AHCTF1: variants seen among roughly 807,000 people sequenced by gnomAD.
The protein encoded by AHCTF1 is AT-hook containing transcription factor 1.
A neutral mutation model predicts 248.4 loss-of-function variants in AHCTF1; 24 were observed. The ratio of observed to expected loss-of-function variants is 0.10; its 90% CI spans 0.07 to 0.14. The LOEUF is 0.14. Ranked by LOEUF, AHCTF1 falls within the 10% of genes least tolerant of loss-of-function variation. The probability of loss-of-function intolerance (pLI) is 1.00; values close to 1 mark genes in which losing one functional copy is unlikely to be tolerated. For synonymous variants in AHCTF1, 786 were observed against 929.8 expected (o/e 0.85, Z 2.81); for missense variants, 2,206 against 2,636.2 (o/e 0.84, Z 3.57).
chr1:246,862,839 A>T (rs1302474076), intron 27 of AHCTF1, among the ~76,000 whole-genome samples: 1 of 152,236 alleles, frequency 6.6e-6, no homozygotes, highest in Non-Finnish European at 1.5e-5. Flanking sequence ...TAACCAAATT[A>T]TGTATCAGAA....
chr1:246,851,846 A>T (rs553904778), intron 32 of AHCTF1: 44 of 167,120 alleles, frequency 2.6e-4, no homozygotes, highest in Non-Finnish European at 4.3e-4. Context: ...AAATTACCTA[A>T]CTATCCACAC....
At chr1:246,858,434 T>A (rs1277026987) in intron 29 of AHCTF1, among the ~76,000 whole-genome samples, 1 of 152,192 alleles carries the variant, frequency 6.6e-6, no homozygotes, top group Non-Finnish European at 1.5e-5. Flanking sequence ...ATACTGCGTA[T>A]CCCAGCTCAT....
intron 1 of AHCTF1, 147 bp downstream of exon 1, chr1:246,931,430 TG>T: frequency 7.1e-7 from 1 of 1,409,902 alleles, no homozygotes; most frequent in Non-Finnish European, 9.2e-7. Context: ...CCCCATCCGT[TG>T]GCCCCGCGCA....
intron 2 of AHCTF1, among the ~76,000 whole-genome samples, chr1:246,916,667 A>AATC (rs2103224722): frequency 6.6e-6 from 1 of 152,276 alleles, no homozygotes; most frequent in South Asian, 2.1e-4. Context: ...TAATAATAAT[A>AATC]ATAGTCATTC....
chr1:246,859,647 G>A (rs1357104070), intron 29 of AHCTF1, among the ~76,000 whole-genome samples: 2 of 152,094 alleles, frequency 1.3e-5, no homozygotes, highest in Admixed American at 6.6e-5. Flanking sequence ...ACGGCTCACT[G>A]CATCCCCAAC....
chr1:246,860,927 T>A lies in AHCTF1; in HGVS notation c.4104A>T (p.Val1368=). ...DGDKDVFASE[V]TPSDLQKQMG... ...TTTGTTTCTGTAGGTCTGAAGGAGT[T>A]ACTTCTGATGCAAATACATCTTTAT... Residue 1368 remains valine (V), a synonymous_variant, in exon 29 of 36, where the codon GTA becomes GTT. Transcript: ENST00000648844. The A allele has an allele frequency of 6.2e-7, 1 of 1,611,590 alleles. No homozygotes were observed. The highest frequency in any genetic ancestry group is 8.5e-7 in the Non-Finnish European group (1 of 1,177,822).
rs145601846 is a variant in AHCTF1 at position 246,889,313 on chromosome 1, G to A, written c.2144+653C>T. Among the ~76,000 whole-genome samples, 8 of 151,728 alleles carry A rather than the reference G, an allele frequency of 5.3e-5. No individual in the cohort carries two copies. The East Asian group carries it at 5.8e-4, about 11-fold the overall frequency. Reference sequence around the variant, plus strand: ...ATTTCCTTTTCTAATTGTGAATAGCGGCAGCACTTACTACTCTTTGCGGTT... The same window carrying A: ...ATTTCCTTTTCTAATTGTGAATAGCAGCAGCACTTACTACTCTTTGCGGTT... On this transcript the variant is annotated intron_variant, in intron 17 of 35. Transcript: ENST00000648844.
At chr1:246,900,566 G>T in intron 8 of AHCTF1, 97 bp from the exon 9 acceptor site, 1 of 1,304,710 alleles carries the variant, frequency 7.7e-7, no homozygotes, top group Non-Finnish European at 1.0e-6. Flanking sequence ...AAATTAAGCG[G>T]TTTAATTCAT....
chr1:246,887,603 C>T (rs1270000913), intron 19 of AHCTF1, among the ~76,000 whole-genome samples: 7 of 152,074 alleles, frequency 4.6e-5, no homozygotes, highest in Non-Finnish European at 7.4e-5. Flanking sequence ...GGAGATAAAG[C>T]GTATTTTTAT....
At chr1:246,888,915 A>T (rs1664014237) in intron 17 of AHCTF1, among the ~76,000 whole-genome samples, 1 of 152,110 alleles carries the variant, frequency 6.6e-6, no homozygotes, top group Non-Finnish European at 1.5e-5. Flanking sequence ...ACAGAGAGAG[A>T]GGAGAGAATT....
intron 15 of AHCTF1, among the ~76,000 whole-genome samples, chr1:246,891,502 C>T (rs901810238): frequency 6.6e-6 from 1 of 152,120 alleles, no homozygotes; most frequent in Non-Finnish European, 1.5e-5. Flanking sequence ...ATAAAAAATA[C>T]ATATAACTTA....
intron 4 of AHCTF1, among the ~76,000 whole-genome samples, chr1:246,912,244 A>G (rs937439108): frequency 5.3e-5 from 8 of 152,056 alleles, no homozygotes; most frequent in African/African-American, 1.9e-4. Context: ...TGGGAGGCCA[A>G]GGCGGGCGGA....
chr1:246,868,980 G>A (rs1425511756), intron 24 of AHCTF1, among the ~76,000 whole-genome samples: 92 of 143,094 alleles, frequency 6.4e-4, no homozygotes, highest in East Asian at 1.8e-3. Flanking sequence ...GAGTAGCTGG[G>A]ACTACAGGCG....
chr1:246,853,807 T>C (rs1181738461), intron 31 of AHCTF1, among the ~76,000 whole-genome samples: 1 of 149,230 alleles, frequency 6.7e-6, no homozygotes, highest in African/African-American at 2.6e-5. Context: ...AGCACAAAAA[T>C]AAAAGATGAA....
At chr1:246,844,038 C>G in intron 33 of AHCTF1, 110 bp from the exon 34 acceptor site, 1 of 765,426 alleles carries the variant, frequency 1.3e-6, no homozygotes, top group Middle Eastern at 4.1e-4. Flanking sequence ...GCAAACGTCC[C>G]CAAACCTGGA....
rs746632307 is a variant in AHCTF1, at chr1:246,840,777, T to C, written c.*29A>G. 6 of 1,535,574 alleles carry C rather than the reference T, an allele frequency of 3.9e-6. No individual in the cohort carries two copies. The highest frequency in any genetic ancestry group is 1.9e-5 in the Admixed American group (1 of 51,838). On this transcript the variant is annotated 3_prime_UTR_variant, in exon 36 of 36. Coordinates refer to ENST00000648844, the MANE Select transcript of AHCTF1 (RefSeq NM_001323342.2). ...CACACTATTCTGATGACTTTACAAA[T>C]AGGTGTACATTAAAATCTTCCCAAG...
At chr1:246,909,450 T>C (rs974263446) in intron 4 of AHCTF1, among the ~76,000 whole-genome samples, 7 of 146,488 alleles carry the variant, frequency 4.8e-5, no homozygotes, top group Non-Finnish European at 1.0e-4. Flanking sequence ...AGTGGTATGA[T>C]GAAATCTGCT....
Position 246,849,915 on chromosome 1 carries a change from T to C in AHCTF1, c.6091A>G (p.Ile2031Val), listed in dbSNP as rs1247147803. 1.2e-6 allele frequency: 2 copies of C among 1,614,014 alleles called. No homozygotes were observed. Among genetic ancestry groups the C allele is most frequent in the Non-Finnish European group, 1.7e-6 (2 of 1,179,874 alleles). ...DVGKPALGKS[I>V]LVPNEELSMV... Reference sequence around the variant, plus strand: ...GAAAGTTCCTCGTTTGGCACTAAAATGGATTTTCCTAAAGCTGGTTTTCCA... The same window carrying C: ...GAAAGTTCCTCGTTTGGCACTAAAACGGATTTTCCTAAAGCTGGTTTTCCA... Residue 2031 changes from isoleucine to valine, a missense_variant, in exon 33 of 36, where the codon ATT (isoleucine) becomes GTT (valine). Physicochemically the swap from Ile to Val is conservative, Grantham distance 29. This residue lies in a region of AHCTF1 where 469 missense variants were observed against 470.0 expected (regional missense o/e 1.00). Transcript: ENST00000648844.
In AHCTF1 at chr1:246,851,339, T is replaced by C. The variant is rs770847163; in HGVS notation, c.4667A>G (p.Asn1556Ser). 6.2e-6 allele frequency: 10 copies of C among 1,614,138 alleles called. No individual in the cohort carries two copies. Among genetic ancestry groups the C allele is most frequent in the South Asian group, 3.3e-5 (3 of 91,084 alleles). ...YPSGTLKLQY[N>S]FDTIDQQFCD... is the part of the protein sequence containing the mutation. Reference sequence around the variant, plus strand: ...AAACTGTTGGTCAATAGTATCAAAATTGTACTGAAGCTTAAGTGTTCCAGA... The same window carrying C: ...AAACTGTTGGTCAATAGTATCAAAACTGTACTGAAGCTTAAGTGTTCCAGA... The change falls in exon 33 of 36, where the codon AAT (asparagine) becomes AGT (serine). Residue 1556 changes from asparagine to serine, a missense_variant. By Grantham distance (46) the Asn-to-Ser change is conservative. This residue lies in a region of AHCTF1 where 955 missense variants were observed against 1,055.6 expected (regional missense o/e 0.90). Transcript: ENST00000648844.
Sources: gnomAD v4.1 joint callset for allele counts (sites outside exome capture counted in the v4.1 genomes callset) on GRCh38, gnomAD v4.1.1 for gene constraint, gnomAD v4.1.1 regional missense constraint, MANE v1.5 for transcripts, NCBI Gene and HGNC (gene_info 2026-07-23, HGNC 2026-07-21) for gene names.